CDC42BPB: variants seen among roughly 807,000 people sequenced by gnomAD.
The protein encoded by CDC42BPB is CDC42 binding protein kinase beta.
Under a neutral mutation model 214.9 loss-of-function variants are expected in CDC42BPB, and 37 were observed. That is an observed-to-expected ratio of 0.17 (90% CI 0.13 to 0.23). The LOEUF (loss-of-function observed/expected upper bound fraction) is 0.23. Ranked by LOEUF, CDC42BPB falls within the 10% of genes least tolerant of loss-of-function variation. The pLI is 1.00. For synonymous variants in CDC42BPB, 931 were observed against 884.0 expected (o/e 1.05, Z -0.94); for missense variants, 1,694 against 2,227.0 (o/e 0.76, Z 4.82).
At chr14:102,983,912 G>C in intron 6 of CDC42BPB, 156 bp from the exon 7 acceptor site, 1 of 985,060 alleles carries the variant, frequency 1.0e-6, no homozygotes, top group Non-Finnish European at 1.2e-6. Flanking sequence ...AATTCAAGCT[G>C]AGTATAGTGC....
intron 1 of CDC42BPB, among the ~76,000 whole-genome samples, chr14:103,046,362 T>TA (rs558653912): frequency 7.9e-5 from 12 of 152,204 alleles, no homozygotes; most frequent in African/African-American, 2.4e-4. Flanking sequence ...ACTCAACACT[T>TA]AAAGTCGGCC....
chr14:102,936,471 T>C lies in CDC42BPB; in HGVS notation c.5004+1633A>G, dbSNP rs565543160. ...AACGGGGGTGAGCCACAAAACAGTA[T>C]GCCAGGTGAGAGCTAGGCACAAAAG... On this transcript the variant is annotated intron_variant, in intron 36 of 36. Coordinates refer to ENST00000361246, the MANE Select transcript of CDC42BPB (RefSeq NM_006035.4). Among the ~76,000 whole-genome samples the C allele has an allele frequency of 2.0e-5, 3 of 152,254 alleles. No individual in the cohort carries two copies. In the East Asian group the frequency reaches 5.8e-4, roughly 29 times the overall value.
chr14:102,941,491 T>C, intron 30 of CDC42BPB: 2 of 985,414 alleles, frequency 2.0e-6, no homozygotes, highest in East Asian at 1.1e-4. Context: ...GCATTTCAGA[T>C]GCACCTGTGA....
At position 102,944,698 on chromosome 14, in the gene CDC42BPB, A is replaced by G. The variant is rs754769801; in HGVS notation, c.3812-211T>C. 4 of 984,148 alleles carry G rather than the reference A, an allele frequency of 4.1e-6. No individual in the cohort carries two copies. The highest frequency in any genetic ancestry group is 4.8e-6 in the Non-Finnish European group (4 of 828,868). 61.0% of individuals were successfully genotyped at this position (984,148 alleles called of 1,614,324 possible). On this transcript the variant is annotated intron_variant, in intron 29 of 36. Transcript: ENST00000361246. This position sits in a 1 kb window ranked among gnomAD's most constrained non-coding sequence, Gnocchi z 6.6. ...CCCGGAGAAGCTGCCCCACATCCAC[A>G]GCGCGCTCCTGGGGCAGCCTCGGGG...
rs1410362571 is a variant in CDC42BPB, at chr14:102,964,586, G to A, written c.2642C>T (p.Ser881Leu). 5.6e-6 allele frequency: 9 copies of A among 1,613,774 alleles called. No homozygotes were observed. Among genetic ancestry groups the A allele is most frequent in the Non-Finnish European group, 4.2e-6 (5 of 1,180,022 alleles). Reference sequence around the variant, plus strand: ...GGCCCGGATCTCCGCCTCCAGGGCCGACTGCAGCTCCAGCCGCGCGGACAT... The same window carrying A: ...GGCCCGGATCTCCGCCTCCAGGGCCAACTGCAGCTCCAGCCGCGCGGACAT... ...LDMSARLELQ[S>L]ALEAEIRAKQ... The change falls in exon 19 of 37, where the codon TCG becomes TTG. Residue 881 changes from serine to leucine, a missense_variant. Physicochemically the swap from Ser to Leu is moderately radical, Grantham distance 145. This residue lies in a region of CDC42BPB where 55 missense variants were observed against 95.5 expected (regional missense o/e 0.58). Transcript: ENST00000361246.
Position 102,971,994 on chromosome 14 carries a change from C to T in CDC42BPB, c.1809G>A (p.Glu603=), listed in dbSNP as rs376776529. The change falls in exon 13 of 37, where the codon GAG becomes GAA. Residue 603 remains glutamate, a synonymous_variant. Coordinates refer to ENST00000361246, the MANE Select transcript of CDC42BPB (RefSeq NM_006035.4). ...KVSRQLRDKE[E]EMEVATQKVD... ...CCTTCTGCGTGGCCACCTCCATCTC[C>T]TCCTCCTTGTCTCGCAGCTGCCGGG... 1.9e-6 allele frequency: 3 copies of T among 1,614,156 alleles called. No individual in the cohort carries two copies. The highest frequency in any genetic ancestry group is 2.5e-6 in the Non-Finnish European group (3 of 1,180,062).
At chr14:103,019,955 T>G (rs941397987) in intron 1 of CDC42BPB, among the ~76,000 whole-genome samples, 8 of 152,274 alleles carry the variant, frequency 5.3e-5, no homozygotes, top group African/African-American at 1.9e-4. Context: ...TGTCTAAAAC[T>G]GACAGAAAAC....
Position 102,949,340 on chromosome 14 carries a change from C to T in CDC42BPB, c.3449+425G>A, listed in dbSNP as rs34240169. On this transcript the variant is annotated intron_variant, in intron 26 of 36. Coordinates refer to ENST00000361246, the MANE Select transcript of CDC42BPB (RefSeq NM_006035.4). The stretch of plus-strand genomic sequence containing the variant: ...ACATAGCAAACGCTACGGCCACGCA[C>T]ACCCACATGGCCCACGGCTCCAGAC... Among the ~76,000 whole-genome samples the T allele has an allele frequency of 8.4e-3, 1,285 of 152,270 alleles. 19 individuals carry two copies. Among genetic ancestry groups the T allele is most frequent in the African/African-American group, 0.029 (1,195 of 41,534 alleles).
At chr14:102,940,407 C>A (rs2139347847) in intron 30 of CDC42BPB, 83 bp from the exon 31 acceptor site, 8 of 1,542,020 alleles carry the variant, frequency 5.2e-6, no homozygotes, top group Non-Finnish European at 7.0e-6. Flanking sequence ...AGCCTTGGCA[C>A]TTGAACAAGT....
rs1889042917 is a variant in CDC42BPB, at chr14:103,057,310, C to T, written c.-137G>A. The T allele has an allele frequency of 6.6e-6, 7 of 1,055,704 alleles. No homozygotes were observed. Among genetic ancestry groups the T allele is most frequent in the Admixed American group, 5.5e-5 (1 of 18,226 alleles). 65.4% of individuals were successfully genotyped at this position (1,055,704 alleles called of 1,614,324 possible). A position where few individuals can be genotyped will look rare whatever the true frequency, so the allele number is the denominator to read the frequency against. On this transcript the variant is annotated 5_prime_UTR_variant, in exon 1 of 37. Coordinates refer to ENST00000361246, the MANE Select transcript of CDC42BPB (RefSeq NM_006035.4). Reference sequence around the variant, plus strand: ...CTCCTCGCCGCCCCGTCCGCGTCGTCGCGCCCCGGCCTAGGCCGACATCTT... The same window carrying T: ...CTCCTCGCCGCCCCGTCCGCGTCGTTGCGCCCCGGCCTAGGCCGACATCTT...
At chr14:103,055,604 C>A (rs1888904708) in intron 1 of CDC42BPB, among the ~76,000 whole-genome samples, 1 of 152,180 alleles carries the variant, frequency 6.6e-6, no homozygotes, top group Non-Finnish European at 1.5e-5. Context: ...ATGGTGGTTC[C>A]CACGGAAATA....
intron 1 of CDC42BPB, among the ~76,000 whole-genome samples, chr14:103,029,808 G>A (rs541500545): frequency 1.2e-4 from 16 of 137,766 alleles, no homozygotes; most frequent in South Asian, 2.3e-4. Context: ...GCAGTGAGCC[G>A]AGATCGCGCC....
At chr14:103,002,600 C>T (rs1420647169) in intron 4 of CDC42BPB, among the ~76,000 whole-genome samples, 1 of 152,158 alleles carries the variant, frequency 6.6e-6, no homozygotes, top group African/African-American at 2.4e-5. Flanking sequence ...AGCAGGGACA[C>T]TGAGCAGGAA....
In CDC42BPB at chr14:102,944,786, G is replaced by C; in HGVS notation, c.3812-299C>G. 1 of 497,904 alleles carries C rather than the reference G, an allele frequency of 2.0e-6. No homozygotes were observed. Among genetic ancestry groups the C allele is most frequent in the Non-Finnish European group, 2.6e-6 (1 of 384,548 alleles). 30.8% of individuals were successfully genotyped at this position (497,904 alleles called of 1,614,324 possible). On this transcript the variant is annotated intron_variant, in intron 29 of 36. Transcript: ENST00000361246. The surrounding 1 kb of genome is among the most constrained non-coding windows in gnomAD (Gnocchi z 6.6). Reference sequence around the variant, plus strand: ...CACCCCTCAGTGCACCAGGGCTCCAGCTGGGCAGCGCTTCCACCTGGGTCC... The same window carrying C: ...CACCCCTCAGTGCACCAGGGCTCCACCTGGGCAGCGCTTCCACCTGGGTCC...
intron 13 of CDC42BPB, 121 bp downstream of exon 13, chr14:102,971,798 T>G (rs1314843429): frequency 8.4e-6 from 8 of 950,460 alleles, no homozygotes; most frequent in Non-Finnish European, 1.1e-5. Context: ...ATCAACTTAC[T>G]TGGCTCCACA....
rs767725474 is a variant in CDC42BPB at position 103,050,853 on chromosome 14, C to T, written c.175+6146G>A. ...TCACCTAAATTAACACTGGGAATCA[C>T]CTTACAATAGGTCCCAAATGTTCTC... On this transcript the variant is annotated intron_variant, in intron 1 of 36. Coordinates refer to ENST00000361246, the MANE Select transcript of CDC42BPB (RefSeq NM_006035.4). 2.0e-5 allele frequency among the ~76,000 whole-genome samples: 3 copies of T among 152,100 alleles called. No individual in the cohort carries two copies. The East Asian group carries it at 5.8e-4, about 29-fold the overall frequency.
chr14:102,951,156 T>C (rs1892472749), intron 24 of CDC42BPB, among the ~76,000 whole-genome samples: 1 of 152,238 alleles, frequency 6.6e-6, no homozygotes, highest in Admixed American at 6.5e-5. Flanking sequence ...ATGCTGTCCC[T>C]GCCAGCCCGG....
rs891710100 is a variant in CDC42BPB, at chr14:103,019,211, G to A, written c.176-7023C>T. 5.3e-5 allele frequency among the ~76,000 whole-genome samples: 8 copies of A among 152,212 alleles called. No homozygotes were observed. In the East Asian group the frequency reaches 1.3e-3, roughly 26 times the overall value. On this transcript the variant is annotated intron_variant, in intron 1 of 36. Transcript: ENST00000361246. Reference sequence around the variant, plus strand: ...GGCCTCCCAAAGTGATGGAATTACAGGGGTGGGCTACCACACCTGGCCATC... The same window carrying A: ...GGCCTCCCAAAGTGATGGAATTACAAGGGTGGGCTACCACACCTGGCCATC...
intron 36 of CDC42BPB, 131 bp from the exon 37 acceptor site, chr14:102,933,974 C>CGGCG: frequency 7.1e-7 from 1 of 1,411,064 alleles, no homozygotes. Flanking sequence ...GTTATGAAAA[C>CGGCG]ACACACGCTC....
Sources: allele counts gnomAD v4.1 joint callset (sites outside exome capture counted in the v4.1 genomes callset), GRCh38; gene constraint gnomAD v4.1.1; regional missense constraint gnomAD v4.1.1; non-coding constraint Gnocchi (gnomAD v3.1); transcripts MANE v1.5; gene names NCBI Gene and HGNC (gene_info 2026-07-23, HGNC 2026-07-21).